The following ALK variants were observed in gnomAD, a reference collection of about 807,000 sequenced individuals.
The protein encoded by ALK is ALK receptor tyrosine kinase.
In ALK, 74 loss-of-function variants were observed where a neutral mutation model predicts 163.1. The ratio of observed to expected loss-of-function variants is 0.45; its 90% CI spans 0.38 to 0.55. The LOEUF (loss-of-function observed/expected upper bound fraction) is 0.55, where lower values mean the gene tolerates loss of function less well. Ranked by LOEUF, ALK falls within the 20% of genes least tolerant of loss-of-function variation. The pLI is 0.00. For synonymous variants in ALK, 960 were observed against 843.2 expected, an observed-to-expected ratio of 1.14 and a Z score of -2.40; for missense variants, 2,063 against 2,105.3, an observed-to-expected ratio of 0.98 and a Z score of 0.39.
At chr2:29,877,950 G>C (rs1558530107) in intron 1 of ALK, among the ~76,000 whole-genome samples, 1 of 152,208 alleles carries the variant, frequency 6.6e-6, no homozygotes, top group South Asian at 2.1e-4. Context: ...AGACCCAGAA[G>C]AGAGACATGA....
intron 4 of ALK, among the ~76,000 whole-genome samples, chr2:29,458,056 C>A (rs1671001737): frequency 6.6e-6 from 1 of 152,140 alleles, no homozygotes; most frequent in African/African-American, 2.4e-5. Flanking sequence ...CTAAGAATGA[C>A]AAATGGAGAC....
intron 3 of ALK, among the ~76,000 whole-genome samples, chr2:29,570,184 C>T (rs1222995949): frequency 6.6e-6 from 1 of 152,124 alleles, no homozygotes; most frequent in Non-Finnish European, 1.5e-5. Flanking sequence ...AATTAAACTC[C>T]TTATATCAAG....
intron 8 of ALK, among the ~76,000 whole-genome samples, chr2:29,313,403 A>G (rs1231701656): frequency 6.6e-6 from 1 of 152,182 alleles, no homozygotes; most frequent in Non-Finnish European, 1.5e-5. Flanking sequence ...TTGGTGGCTC[A>G]GGAGTTAGAC....
intron 4 of ALK, among the ~76,000 whole-genome samples, chr2:29,463,368 C>G (rs1347763363): frequency 2.0e-5 from 3 of 152,152 alleles, no homozygotes. Context: ...ATGTTTCATA[C>G]TGAAAATATG....
At chr2:29,347,935 T>G (rs561621402) in intron 5 of ALK, among the ~76,000 whole-genome samples, 52 of 152,340 alleles carry the variant, frequency 3.4e-4, no homozygotes, top group African/African-American at 1.2e-3. Context: ...TTTGCATTTT[T>G]AATTATGCAA....
intron 26 of ALK, among the ~76,000 whole-genome samples, chr2:29,202,916 TTTACTTAAAA>T (rs1203137994): frequency 6.6e-6 from 1 of 152,208 alleles, no homozygotes; most frequent in East Asian, 1.9e-4. Flanking sequence ...CTCTAATGTA[TTTACTTAAAA>T]ATAGGAGCGT....
intron 3 of ALK, among the ~76,000 whole-genome samples, chr2:29,601,783 G>T (rs1015850433): frequency 6.6e-6 from 1 of 152,314 alleles, no homozygotes; most frequent in East Asian, 1.9e-4. Flanking sequence ...AGATTCAGCA[G>T]AGGGTCCAGA....
Position 29,222,516 on chromosome 2 carries a change from C to A in ALK, c.3450+1G>T, listed in dbSNP as rs1558622955. The A allele has an allele frequency of 1.2e-6, 2 of 1,614,162 alleles. No homozygotes were observed. Among genetic ancestry groups the A allele is most frequent in the Admixed American group, 3.3e-5 (2 of 60,026 alleles). On this transcript the variant is annotated splice_donor_variant, in intron 21 of 28. Coordinates refer to ENST00000389048, the MANE Select transcript of ALK (RefSeq NM_004304.5). LOFTEE classifies it high-confidence loss of function. ...AGGCTCAAGAGTGAGCCACTTCTTA[C>A]CTTCACAGCCACTTGCAGGGGGCTT...
chr2:29,477,105 G>T (rs1419867677), intron 4 of ALK, among the ~76,000 whole-genome samples: 1 of 152,136 alleles, frequency 6.6e-6, no homozygotes, highest in Non-Finnish European at 1.5e-5. Context: ...GAACCACGAG[G>T]GAGAGTTGAG....
At chr2:29,551,026 G>C (rs1435141906) in intron 3 of ALK, among the ~76,000 whole-genome samples, 3 of 151,980 alleles carry the variant, frequency 2.0e-5, no homozygotes, top group South Asian at 2.1e-4. Flanking sequence ...CCAGTTTCTT[G>C]CTATTGATAA....
intron 1 of ALK, among the ~76,000 whole-genome samples, chr2:29,809,958 C>G (rs1664711714): frequency 6.6e-6 from 1 of 152,142 alleles, no homozygotes; most frequent in African/African-American, 2.4e-5. Flanking sequence ...TTTGACAAGT[C>G]CATGGATTTC....
chr2:29,848,229 G>A (rs4233749), intron 1 of ALK, among the ~76,000 whole-genome samples: 113,552 of 151,898 alleles, frequency 0.75, 43,035 homozygotes, highest in East Asian at 0.87. Flanking sequence ...ATGTCAGTGC[G>A]AAAGGCAAAA....
At chr2:29,905,431 T>C (rs1476658686) in intron 1 of ALK, among the ~76,000 whole-genome samples, 1 of 152,218 alleles carries the variant, frequency 6.6e-6, no homozygotes, top group Non-Finnish European at 1.5e-5. Flanking sequence ...AGGTCAGATA[T>C]ATCAAATCTG....
At chr2:29,274,860 T>G (rs970939619) in intron 11 of ALK, among the ~76,000 whole-genome samples, 16 of 152,196 alleles carry the variant, frequency 1.1e-4, no homozygotes, top group African/African-American at 3.9e-4. Context: ...GGCCTAGGTA[T>G]TCCCTAGGCA....
chr2:29,477,177 G>C (rs1671546780), intron 4 of ALK, among the ~76,000 whole-genome samples: 1 of 152,104 alleles, frequency 6.6e-6, no homozygotes, highest in African/African-American at 2.4e-5. Context: ...ATACTTCCTG[G>C]GGTGGAAGGT....
chr2:29,919,198 G>A (rs990127498), intron 1 of ALK, among the ~76,000 whole-genome samples: 3 of 152,170 alleles, frequency 2.0e-5, no homozygotes, highest in African/African-American at 2.4e-5. Flanking sequence ...TGCTGCAGAC[G>A]TTCAAGCTAA....
At chr2:29,845,881 A>C (rs1450000865) in intron 1 of ALK, among the ~76,000 whole-genome samples, 1 of 152,202 alleles carries the variant, frequency 6.6e-6, no homozygotes, top group Non-Finnish European at 1.5e-5. Context: ...CAGCACTCTT[A>C]AAAAGTGTCT....
intron 1 of ALK, among the ~76,000 whole-genome samples, chr2:29,780,396 G>A (rs1436518760): frequency 6.6e-6 from 1 of 152,216 alleles, no homozygotes; most frequent in Non-Finnish European, 1.5e-5. Context: ...CTCACCCACT[G>A]GAGCAGCTTT....
chr2:29,909,271 G>A (rs1353561565), intron 1 of ALK, among the ~76,000 whole-genome samples: 2 of 152,212 alleles, frequency 1.3e-5, no homozygotes, highest in Non-Finnish European at 2.9e-5. Context: ...TGTATGTGGT[G>A]GGCCCTAGCA....
Sources: allele counts gnomAD v4.1 joint callset (sites outside exome capture counted in the v4.1 genomes callset), GRCh38; gene constraint gnomAD v4.1.1; transcripts MANE v1.5; gene names NCBI Gene and HGNC (gene_info 2026-07-23, HGNC 2026-07-21).